Variants in MAP3K20 observed in about 807,000 individuals in gnomAD.
MAP3K20 encodes the protein HCCS-4.
Under a neutral mutation model 85.7 loss-of-function variants are expected in MAP3K20, and 40 were observed. The ratio of observed to expected loss-of-function variants is 0.47; its 90% CI spans 0.36 to 0.61. MAP3K20 has a LOEUF of 0.61. Among genes scored for constraint, MAP3K20 ranks in the 20% least tolerant of loss-of-function variants. The probability of loss-of-function intolerance (pLI) is 0.00; values close to 1 mark genes in which losing one functional copy is unlikely to be tolerated. For synonymous variants in MAP3K20, 325 were observed against 327.7 expected (o/e 0.99, Z 0.09); for missense variants, 817 against 961.7 (o/e 0.85, Z 1.99).
At chr2:173,225,159 G>C (rs1355755336) in intron 11 of MAP3K20, 2 of 984,396 alleles carry the variant, frequency 2.0e-6, no homozygotes, top group South Asian at 9.4e-5. Flanking sequence ...AACTGGGGCG[G>C]TGCTGTCACC....
At chr2:173,255,943 GC>G (rs1163946558) in intron 16 of MAP3K20, among the ~76,000 whole-genome samples, 2 of 152,196 alleles carry the variant, frequency 1.3e-5, no homozygotes, top group African/African-American at 4.8e-5. Context: ...GGTGGCAGTG[GC>G]TCCAAAACAA....
At chr2:173,082,560 A>G (rs575196194) in intron 1 of MAP3K20, among the ~76,000 whole-genome samples, 1 of 152,334 alleles carries the variant, frequency 6.6e-6, no homozygotes, top group African/African-American at 2.4e-5. Flanking sequence ...AGTAGCAGCA[A>G]GACCTAGGGT....
intron 11 of MAP3K20, chr2:173,226,588 G>C: frequency 2.0e-6 from 2 of 985,812 alleles, no homozygotes; most frequent in Non-Finnish European, 1.2e-6. Context: ...AGGAAATCTA[G>C]AAGACTAGCC....
upstream of MAP3K20, chr2:173,075,621 C>A: frequency 2.2e-6 from 1 of 463,088 alleles, no homozygotes; most frequent in Non-Finnish European, 2.8e-6. Flanking sequence ...AGTTAAGGTG[C>A]TGGGGGCGAG....
chr2:173,079,512 T>TTAAAA (rs1686955824), intron 1 of MAP3K20, among the ~76,000 whole-genome samples: 1 of 152,242 alleles, frequency 6.6e-6, no homozygotes, highest in Non-Finnish European at 1.5e-5. Flanking sequence ...GTAACTTTCT[T>TTAAAA]GTTTTATAAA....
chr2:173,188,272 GA>G (rs1184139393), intron 5 of MAP3K20, among the ~76,000 whole-genome samples: 1 of 152,156 alleles, frequency 6.6e-6, no homozygotes, highest in Non-Finnish European at 1.5e-5. Context: ...CTTCAAGTAG[GA>G]GTGGTAACAG....
intron 16 of MAP3K20, among the ~76,000 whole-genome samples, chr2:173,240,221 A>C (rs1008372010): frequency 1.3e-5 from 2 of 152,196 alleles, no homozygotes; most frequent in African/African-American, 4.8e-5. Flanking sequence ...AGCAGAATAA[A>C]GATTTGAATG....
chr2:173,259,056 T>A (rs553231147), intron 17 of MAP3K20, among the ~76,000 whole-genome samples: 40 of 152,354 alleles, frequency 2.6e-4, no homozygotes, highest in African/African-American at 7.9e-4. Context: ...AATTTTTTTT[T>A]AATTTTTTTG....
chr2:173,182,316 A>C (rs999580865), intron 3 of MAP3K20, among the ~76,000 whole-genome samples: 9 of 152,156 alleles, frequency 5.9e-5, no homozygotes, highest in African/African-American at 2.2e-4. Flanking sequence ...AACTTTATGA[A>C]CTTACTAAAA....
chr2:173,114,419 C>A (rs949244463), intron 2 of MAP3K20, among the ~76,000 whole-genome samples: 1 of 152,174 alleles, frequency 6.6e-6, no homozygotes, highest in South Asian at 2.1e-4. Flanking sequence ...GGTACTATTG[C>A]GTTAATCATG....
intron 3 of MAP3K20, 75 bp downstream of exon 3, chr2:173,169,967 A>G: frequency 3.0e-6 from 4 of 1,338,324 alleles, no homozygotes; most frequent in Non-Finnish European, 4.3e-6. Flanking sequence ...TAAAATGCTT[A>G]ATATTAGGCT....
intron 16 of MAP3K20, among the ~76,000 whole-genome samples, chr2:173,246,227 T>C (rs1574153708): frequency 1.3e-5 from 2 of 152,040 alleles, no homozygotes; most frequent in African/African-American, 4.8e-5. Context: ...AGTCTAAAGG[T>C]CTAACTACTG....
intron 18 of MAP3K20, among the ~76,000 whole-genome samples, chr2:173,262,327 C>T (rs145963553): frequency 0.017 from 2,602 of 152,250 alleles, 36 homozygotes; most frequent in Middle Eastern, 0.034. Context: ...GGGCCAGGCA[C>T]GGTGGCTCAA....
intron 11 of MAP3K20, among the ~76,000 whole-genome samples, chr2:173,219,235 G>A (rs1231586057): frequency 6.6e-6 from 1 of 152,126 alleles, no homozygotes; most frequent in Non-Finnish European, 1.5e-5. Context: ...CCTGTAGGTG[G>A]CCTCATCTTA....
intron 2 of MAP3K20, among the ~76,000 whole-genome samples, chr2:173,118,123 A>G (rs1015130587): frequency 2.6e-5 from 4 of 152,230 alleles, no homozygotes; most frequent in Non-Finnish European, 5.9e-5. Context: ...AAATTCAGCC[A>G]TTTGGTAGAC....
intron 19 of MAP3K20, among the ~76,000 whole-genome samples, chr2:173,264,393 T>C (rs1574171204): frequency 6.6e-6 from 1 of 152,290 alleles, no homozygotes. Context: ...TAGGCTGCCT[T>C]TGCCCTCGGC....
intron 3 of MAP3K20, among the ~76,000 whole-genome samples, chr2:173,171,045 T>C (rs1689985592): frequency 6.6e-6 from 1 of 152,174 alleles, no homozygotes; most frequent in Admixed American, 6.5e-5. Context: ...GGAGGGACTT[T>C]TATCCCCAAT....
chr2:173,099,969 C>T (rs1383046891), intron 2 of MAP3K20, among the ~76,000 whole-genome samples: 2 of 152,224 alleles, frequency 1.3e-5, no homozygotes, highest in Non-Finnish European at 2.9e-5. Context: ...CGATCACTCG[C>T]ATCTTCACAA....
At chr2:173,125,293 T>C (rs1688409636) in intron 2 of MAP3K20, among the ~76,000 whole-genome samples, 1 of 152,248 alleles carries the variant, frequency 6.6e-6, no homozygotes, top group Admixed American at 6.5e-5. Flanking sequence ...TGTGTACGTA[T>C]TTCAGTCTTC....
Sources: allele counts gnomAD v4.1 joint callset (sites outside exome capture counted in the v4.1 genomes callset), GRCh38; gene constraint gnomAD v4.1.1; transcripts MANE v1.5; gene names NCBI Gene and HGNC (gene_info 2026-07-23, HGNC 2026-07-21).